Variants in LHFPL3 observed in about 807,000 individuals in gnomAD.
LHFPL3 encodes LHFPL tetraspan subfamily member 3 protein.
A neutral mutation model predicts 19.3 loss-of-function variants in LHFPL3; 5 were observed. That is an observed-to-expected ratio of 0.26 (90% CI 0.14 to 0.54). The LOEUF (loss-of-function observed/expected upper bound fraction) is 0.54, where lower values mean the gene tolerates loss of function less well. Ranked by LOEUF, LHFPL3 falls within the 20% of genes least tolerant of loss-of-function variation. The probability of loss-of-function intolerance (pLI) is 0.94; values close to 1 mark genes in which losing one functional copy is unlikely to be tolerated. For missense variants in LHFPL3, 249 were observed against 307.4 expected, an observed-to-expected ratio of 0.81 and a Z score of 1.42; for synonymous variants, 133 against 126.2, an observed-to-expected ratio of 1.05 and a Z score of -0.36.
chr7:104,407,011 C>T (rs940126601), intron 1 of LHFPL3, among the ~76,000 whole-genome samples: 4 of 152,276 alleles, frequency 2.6e-5, no homozygotes, highest in Middle Eastern at 3.4e-3. Context: ...TGATTTGGGG[C>T]ACCACAGGGG....
At chr7:104,514,306 C>T (rs979873889) in intron 1 of LHFPL3, among the ~76,000 whole-genome samples, 2 of 151,958 alleles carry the variant, frequency 1.3e-5, no homozygotes, top group Non-Finnish European at 2.9e-5. Flanking sequence ...AGAAGTCAGC[C>T]TCTTAGGCTA....
chr7:104,904,869 G>A (rs1792565699), intron 2 of LHFPL3, among the ~76,000 whole-genome samples: 1 of 152,142 alleles, frequency 6.6e-6, no homozygotes, highest in Non-Finnish European at 1.5e-5. Flanking sequence ...ACTGTTTGAG[G>A]TCTAGCTGTA....
intron 1 of LHFPL3, among the ~76,000 whole-genome samples, chr7:104,355,502 A>G (rs1177419828): frequency 1.3e-5 from 2 of 152,200 alleles, no homozygotes; most frequent in Non-Finnish European, 2.9e-5. Context: ...TAGCAATCAC[A>G]TTAGGACTTA....
intron 1 of LHFPL3, among the ~76,000 whole-genome samples, chr7:104,410,358 C>G (rs1791513072): frequency 6.6e-6 from 1 of 152,150 alleles, no homozygotes; most frequent in African/African-American, 2.4e-5. Context: ...GTCTCGAATT[C>G]CTGACCTCAG....
intron 1 of LHFPL3, among the ~76,000 whole-genome samples, chr7:104,685,892 A>G (rs1457581827): frequency 6.6e-6 from 1 of 152,176 alleles, no homozygotes; most frequent in Non-Finnish European, 1.5e-5. Flanking sequence ...AAAGTAATGG[A>G]TGGTCAAAGG....
At chr7:104,692,908 T>C (rs1792930004) in intron 1 of LHFPL3, among the ~76,000 whole-genome samples, 1 of 152,016 alleles carries the variant, frequency 6.6e-6, no homozygotes, top group Non-Finnish European at 1.5e-5. Flanking sequence ...AAATGGTAGA[T>C]CCACTGACAA....
At chr7:104,863,427 G>A (rs1791654415) in intron 2 of LHFPL3, among the ~76,000 whole-genome samples, 1 of 152,120 alleles carries the variant, frequency 6.6e-6, no homozygotes, top group Non-Finnish European at 1.5e-5. Context: ...TTTTTCCCAT[G>A]TCATTTGTCA....
At chr7:104,350,339 G>A (rs921153683) in intron 1 of LHFPL3, among the ~76,000 whole-genome samples, 31 of 152,312 alleles carry the variant, frequency 2.0e-4, no homozygotes, top group African/African-American at 7.5e-4. Flanking sequence ...AACCGTCAGA[G>A]AAGCAATGAA....
At chr7:104,843,083 T>C (rs996772753) in intron 2 of LHFPL3, among the ~76,000 whole-genome samples, 1 of 152,144 alleles carries the variant, frequency 6.6e-6, no homozygotes, top group Non-Finnish European at 1.5e-5. Flanking sequence ...CTGCCATTCC[T>C]GGCAGCCCTA....
chr7:104,848,300 C>T (rs1791350536), intron 2 of LHFPL3, among the ~76,000 whole-genome samples: 1 of 152,208 alleles, frequency 6.6e-6, no homozygotes, highest in Non-Finnish European at 1.5e-5. Context: ...ATAGGCCCTT[C>T]TTGGCAACTA....
intron 2 of LHFPL3, among the ~76,000 whole-genome samples, chr7:104,740,398 T>C (rs1793911492): frequency 6.6e-6 from 1 of 152,218 alleles, no homozygotes; most frequent in African/African-American, 2.4e-5. Context: ...TGAGTGTCAC[T>C]TTCATGTCAT....
At chr7:104,522,816 A>G (rs915018217) in intron 1 of LHFPL3, among the ~76,000 whole-genome samples, 1 of 152,108 alleles carries the variant, frequency 6.6e-6, no homozygotes, top group Non-Finnish European at 1.5e-5. Context: ...ACAGGGTAAG[A>G]CTTTGAAAAA....
intron 2 of LHFPL3, chr7:104,826,201 C>T (rs1038803487): frequency 1.3e-5 from 2 of 152,268 alleles, no homozygotes; most frequent in Non-Finnish European, 2.9e-5. Flanking sequence ...GTCCTGGAAA[C>T]CTTTCATATC....
At chr7:104,614,573 C>G (rs1319655013) in intron 1 of LHFPL3, among the ~76,000 whole-genome samples, 2 of 146,040 alleles carry the variant, frequency 1.4e-5, no homozygotes, top group African/African-American at 5.0e-5. Context: ...GTCCAAAGAG[C>G]CTCCTCTTCT....
chr7:104,454,705 T>G (rs1792506881), intron 1 of LHFPL3, among the ~76,000 whole-genome samples: 1 of 152,094 alleles, frequency 6.6e-6, no homozygotes. Flanking sequence ...CTGGCCCAAG[T>G]CCCTCCCATA....
intron 1 of LHFPL3, among the ~76,000 whole-genome samples, chr7:104,689,094 G>A (rs1792860130): frequency 6.6e-6 from 1 of 152,190 alleles, no homozygotes; most frequent in Non-Finnish European, 1.5e-5. Flanking sequence ...TTAATACTTT[G>A]TGAAATAGAT....
chr7:104,842,941 GA>G (rs1562811696), intron 2 of LHFPL3, among the ~76,000 whole-genome samples: 7 of 152,306 alleles, frequency 4.6e-5, no homozygotes, highest in Admixed American at 6.5e-5. Flanking sequence ...AAAAGTTGTT[GA>G]ACAGATCAAG....
intron 2 of LHFPL3, among the ~76,000 whole-genome samples, chr7:104,840,008 T>C (rs1003971326): frequency 2.7e-5 from 4 of 149,316 alleles, no homozygotes; most frequent in African/African-American, 4.9e-5. Flanking sequence ...TAATTGATCA[T>C]TAAAATTATA....
At chr7:104,774,167 G>A (rs912284394) in intron 2 of LHFPL3, among the ~76,000 whole-genome samples, 1 of 152,216 alleles carries the variant, frequency 6.6e-6, no homozygotes, top group African/African-American at 2.4e-5. Context: ...AAGAGAGAAA[G>A]GTGGCAGAAG....
Sources: gnomAD v4.1 joint callset for allele counts (sites outside exome capture counted in the v4.1 genomes callset) on GRCh38, gnomAD v4.1.1 for gene constraint, MANE v1.5 for transcripts, NCBI Gene and HGNC (gene_info 2026-07-23, HGNC 2026-07-21) for gene names.